PUS7: variants seen among roughly 807,000 people sequenced by gnomAD.
PUS7 encodes pseudouridine synthase 7.
A neutral mutation model predicts 79.8 loss-of-function variants in PUS7; 48 were observed. The observed-to-expected ratio is 0.60, with a 90% CI of 0.48 to 0.76. The LOEUF is 0.76. Among genes scored for constraint, PUS7 ranks in the 30% least tolerant of loss-of-function variants. The pLI, the probability that PUS7 is intolerant of heterozygous loss-of-function variation, is 0.00. For synonymous variants in PUS7, 286 were observed against 272.2 expected (o/e 1.05, Z -0.50); for missense variants, 729 against 797.6 (o/e 0.91, Z 1.04).
rs1823848334 is a variant in PUS7, at chr7:105,470,902, T to C, written c.1238-54A>G. The C allele has an allele frequency of 5.4e-6, 8 of 1,479,714 alleles. No homozygotes were observed. The Admixed American group carries it at 1.1e-4, about 21-fold the overall frequency. 91.7% of individuals were successfully genotyped at this position (1,479,714 alleles called of 1,614,324 possible). ...GACTTACCCAATAGACAGACTTCCA[T>C]AACTTAAAGTACACTTCACAGAGAA... is the stretch of plus-strand genomic sequence containing the variant. On this transcript the variant is annotated intron_variant, in intron 10 of 15. Transcript: ENST00000469408.
intron 7 of PUS7, among the ~76,000 whole-genome samples, chr7:105,485,000 C>T (rs918115426): frequency 3.3e-5 from 5 of 150,240 alleles, no homozygotes; most frequent in African/African-American, 1.2e-4. Flanking sequence ...GTAGCTGGGG[C>T]TACAGGCACA....
chr7:105,473,324 G>A (rs980515507), intron 9 of PUS7, among the ~76,000 whole-genome samples: 3 of 151,674 alleles, frequency 2.0e-5, no homozygotes, highest in Admixed American at 6.6e-5. Flanking sequence ...ATCTTGGCTC[G>A]CTGCAACCTC....
chr7:105,466,937 A>G (rs1184610719), intron 12 of PUS7, among the ~76,000 whole-genome samples: 1 of 151,370 alleles, frequency 6.6e-6, no homozygotes. Flanking sequence ...CCTGCAGATG[A>G]GCAGATCATG....
At chr7:105,472,104 A>G (rs770833271) in intron 10 of PUS7, 28 bp downstream of exon 10, 1 of 1,496,592 alleles carries the variant, frequency 6.7e-7, no homozygotes, top group Non-Finnish European at 9.3e-7. Context: ...CATTCTATTT[A>G]TTTTCTTAAC....
intron 15 of PUS7, 101 bp downstream of exon 15, chr7:105,459,067 T>G: frequency 1.7e-6 from 1 of 579,478 alleles, no homozygotes; most frequent in East Asian, 3.0e-5. Flanking sequence ...AAATCATGGG[T>G]GGTGGTAGTG....
chr7:105,495,043 T>G, intron 6 of PUS7, 99 bp downstream of exon 6: 1 of 636,082 alleles, frequency 1.6e-6, no homozygotes. Context: ...TTACTATCTG[T>G]AATCTGTGCT....
Position 105,502,561 on chromosome 7 carries a change from T to C in PUS7, c.589A>G (p.Ile197Val). Residue 197 changes from isoleucine to valine, a missense_variant, in exon 5 of 16, where the codon ATC becomes GTC. Ile to Val is a conservative substitution (Grantham distance 29). Transcript: ENST00000469408. ...GTTCTTTTCTCTTTGGTGTCCTCGA[T>C]AACCTATTAAAAAAAACAGATAGCA... ...NKETSVAIEV[I>V]EDTKEKRTII... The C allele has an allele frequency of 6.2e-7, 1 of 1,613,500 alleles. No homozygotes were observed. The highest frequency in any genetic ancestry group is 2.2e-5 in the East Asian group (1 of 44,864).
At chr7:105,487,131 G>A (rs1284606962) in intron 7 of PUS7, among the ~76,000 whole-genome samples, 1 of 152,062 alleles carries the variant, frequency 6.6e-6, no homozygotes, top group Non-Finnish European at 1.5e-5. Context: ...GTTATAAAGT[G>A]TACATGCCAG....
chr7:105,459,721 G>C (rs1823335546), intron 14 of PUS7, among the ~76,000 whole-genome samples: 2 of 151,980 alleles, frequency 1.3e-5, no homozygotes, highest in African/African-American at 4.8e-5. Context: ...TATAACGTGA[G>C]CCACTGTGCC....
At chr7:105,467,841 T>TA (rs2133064636) in intron 12 of PUS7, among the ~76,000 whole-genome samples, 1 of 151,958 alleles carries the variant, frequency 6.6e-6, no homozygotes, top group South Asian at 2.1e-4. Flanking sequence ...TCGAGGTGCT[T>TA]ACTCAAACCA....
intron 6 of PUS7, among the ~76,000 whole-genome samples, chr7:105,494,194 G>A (rs992306039): frequency 1.3e-5 from 2 of 152,158 alleles, no homozygotes; most frequent in African/African-American, 4.8e-5. Flanking sequence ...TTTCAAAAGA[G>A]AAAGTTAATT....
At position 105,470,852 on chromosome 7, in the gene PUS7, CG is replaced by C. The variant is rs907621554; in HGVS notation, c.1238-5del. ...TTAACCAAGTAGCCCTTTTCAGCTG[CG>C]GGGGGAAAAAGCTAGGGTTAAATGA... On this transcript the variant is annotated splice_region_variant and splice_polypyrimidine_tract_variant and intron_variant, in intron 10 of 15. Transcript: ENST00000469408. The C allele has an allele frequency of 1.9e-6, 3 of 1,568,602 alleles. No homozygotes were observed. The highest frequency in any genetic ancestry group is 2.7e-5 in the African/African-American group (2 of 73,466).
rs971068847 is a variant in PUS7, at chr7:105,508,052, A to G, written c.398+63T>C. On this transcript the variant is annotated intron_variant, in intron 2 of 15. Transcript: ENST00000469408. The stretch of plus-strand genomic sequence containing the variant: ...AAGCTAAGTGGAAGAATATAAAGCT[A>G]ATTTCTTTCTAAAGAAGAAACCTAA... 4 of 1,493,990 alleles carry G rather than the reference A, an allele frequency of 2.7e-6. No homozygotes were observed. The African/African-American group carries it at 5.6e-5, about 21-fold the overall frequency. The allele number at this position is 1,493,990 out of a possible 1,614,324, so 92.5% of individuals were successfully genotyped here. A position where few individuals can be genotyped will look rare whatever the true frequency, so the allele number is the denominator to read the frequency against.
chr7:105,486,372 T>C (rs532310805), intron 7 of PUS7, among the ~76,000 whole-genome samples: 4 of 152,108 alleles, frequency 2.6e-5, no homozygotes, highest in Admixed American at 6.5e-5. Context: ...GATTTTTGTA[T>C]ATTTTCTTAT....
intron 5 of PUS7, among the ~76,000 whole-genome samples, chr7:105,498,946 T>C (rs1825143834): frequency 6.6e-6 from 1 of 152,160 alleles, no homozygotes; most frequent in South Asian, 2.1e-4. Context: ...CTCCCTTGCA[T>C]ATATAAATAA....
At chr7:105,490,747 C>A (rs1824747480) in intron 7 of PUS7, among the ~76,000 whole-genome samples, 1 of 152,270 alleles carries the variant, frequency 6.6e-6, no homozygotes. Flanking sequence ...AAAAACAATC[C>A]TAAATCCTAC....
intron 7 of PUS7, among the ~76,000 whole-genome samples, chr7:105,490,112 A>G (rs901615260): frequency 2.9e-5 from 4 of 139,192 alleles, no homozygotes; most frequent in Non-Finnish European, 4.7e-5. Context: ...CAGCAAGACT[A>G]AAAAAAAAAA....
chr7:105,497,848 T>C (rs1208590533), intron 5 of PUS7, among the ~76,000 whole-genome samples: 1 of 152,226 alleles, frequency 6.6e-6, no homozygotes, highest in African/African-American at 2.4e-5. Context: ...AGATGGTTTA[T>C]GGGTACATAG....
At chr7:105,485,694 T>C (rs926345891) in intron 7 of PUS7, among the ~76,000 whole-genome samples, 1 of 152,268 alleles carries the variant, frequency 6.6e-6, no homozygotes, top group Non-Finnish European at 1.5e-5. Flanking sequence ...TCTCCACTTA[T>C]CTTAAATGAT....
Sources: allele counts gnomAD v4.1 joint callset (sites outside exome capture counted in the v4.1 genomes callset), GRCh38; gene constraint gnomAD v4.1.1; transcripts MANE v1.5; gene names NCBI Gene and HGNC (gene_info 2026-07-23, HGNC 2026-07-21).